RABGAP1L: variants seen among roughly 807,000 people sequenced by gnomAD.
The protein encoded by RABGAP1L is rab GTPase-activating protein 1-like.
A neutral mutation model predicts 137.7 loss-of-function variants in RABGAP1L; 63 were observed. That is an observed-to-expected ratio of 0.46 (90% CI 0.37 to 0.56). The LOEUF is 0.56. RABGAP1L is among the 20% of genes least tolerant of loss of function. The probability of loss-of-function intolerance (pLI) is 0.00; values close to 1 mark genes in which losing one functional copy is unlikely to be tolerated. For synonymous variants in RABGAP1L, 431 were observed against 433.7 expected (o/e 0.99, Z 0.08); for missense variants, 1,095 against 1,244.0 (o/e 0.88, Z 1.80).
chr1:174,885,580 T>A (rs1482216671), intron 19 of RABGAP1L, among the ~76,000 whole-genome samples: 2 of 151,938 alleles, frequency 1.3e-5, no homozygotes, highest in African/African-American at 4.8e-5. Flanking sequence ...AATCTGGAAC[T>A]CCTGAGCTCA....
chr1:174,846,199 T>A (rs1694030092), intron 19 of RABGAP1L, among the ~76,000 whole-genome samples: 1 of 148,452 alleles, frequency 6.7e-6, no homozygotes, highest in South Asian at 2.2e-4. Context: ...ATTGATTTTT[T>A]GAAGGGTTTT....
At chr1:174,911,271 A>T (rs914824843) in intron 19 of RABGAP1L, among the ~76,000 whole-genome samples, 1 of 152,196 alleles carries the variant, frequency 6.6e-6, no homozygotes, top group African/African-American at 2.4e-5. Context: ...TTTGTTAAAA[A>T]AGTTTTAAAC....
At chr1:174,613,958 C>A (rs1252176524) in intron 13 of RABGAP1L, among the ~76,000 whole-genome samples, 1 of 152,140 alleles carries the variant, frequency 6.6e-6, no homozygotes, top group African/African-American at 2.4e-5. Flanking sequence ...TGTCTCTGCA[C>A]ATGAGATGGG....
intron 14 of RABGAP1L, among the ~76,000 whole-genome samples, chr1:174,657,213 A>C (rs1206873891): frequency 1.3e-5 from 2 of 152,198 alleles, no homozygotes; most frequent in Admixed American, 1.3e-4. Flanking sequence ...GATCAAGGTA[A>C]TTAGCATTTC....
At chr1:174,877,656 T>C in intron 19 of RABGAP1L, 1 of 1,561,320 alleles carries the variant, frequency 6.4e-7, no homozygotes, top group Non-Finnish European at 8.8e-7. Flanking sequence ...TTTTCTAACA[T>C]GATATCTATA....
At chr1:174,475,660 C>G (rs1658422667) in intron 13 of RABGAP1L, among the ~76,000 whole-genome samples, 1 of 150,626 alleles carries the variant, frequency 6.6e-6, no homozygotes, top group African/African-American at 2.4e-5. Flanking sequence ...ACAATCCCAG[C>G]TCTGGGAGGC....
intron 11 of RABGAP1L, among the ~76,000 whole-genome samples, chr1:174,353,786 C>T (rs985025660): frequency 3.3e-5 from 5 of 152,202 alleles, no homozygotes; most frequent in African/African-American, 7.2e-5. Flanking sequence ...CAGGCACTAT[C>T]CAGGGATGAG....
intron 14 of RABGAP1L, among the ~76,000 whole-genome samples, chr1:174,643,931 GTGTGTGTGTGTA>G (rs1042507195): frequency 1.5e-5 from 2 of 134,258 alleles, no homozygotes; most frequent in African/African-American, 7.1e-5. Flanking sequence ...GTGTGTGTGT[GTGTGTGTGTGTA>G]TGTATGTATG....
intron 10 of RABGAP1L, among the ~76,000 whole-genome samples, chr1:174,291,372 T>C (rs1417124455): frequency 6.6e-6 from 1 of 152,036 alleles, no homozygotes; most frequent in Admixed American, 6.5e-5. Flanking sequence ...GTAATACATT[T>C]TAAAAATAAT....
At chr1:174,221,350 G>C (rs1325198168) in intron 3 of RABGAP1L, among the ~76,000 whole-genome samples, 186 bp downstream of exon 3, 1 of 152,094 alleles carries the variant, frequency 6.6e-6, no homozygotes, top group Non-Finnish European at 1.5e-5. Flanking sequence ...AATGTTCTTT[G>C]GGAACAAAGA....
chr1:174,906,801 T>C (rs1659163990), intron 19 of RABGAP1L, among the ~76,000 whole-genome samples: 1 of 150,900 alleles, frequency 6.6e-6, no homozygotes, highest in Non-Finnish European at 1.5e-5. Flanking sequence ...AAGAAGTAAA[T>C]AACATATGAA....
At chr1:174,607,945 A>G (rs1034267635) in intron 13 of RABGAP1L, among the ~76,000 whole-genome samples, 1 of 152,200 alleles carries the variant, frequency 6.6e-6, no homozygotes, top group Non-Finnish European at 1.5e-5. Context: ...CCCTTACGAA[A>G]GTGTGATTTT....
chr1:174,810,521 G>T (rs571610264), intron 18 of RABGAP1L, among the ~76,000 whole-genome samples: 1 of 152,270 alleles, frequency 6.6e-6, no homozygotes, highest in Non-Finnish European at 1.5e-5. Context: ...TACTTTTTCA[G>T]TGCAGTCTTT....
intron 1 of RABGAP1L, among the ~76,000 whole-genome samples, chr1:174,188,484 G>A (rs1478912379): frequency 6.6e-6 from 1 of 152,196 alleles, no homozygotes; most frequent in Non-Finnish European, 1.5e-5. Context: ...TACGATAAAT[G>A]CTAGAGTAGG....
chr1:174,587,517 A>G (rs1215120942), intron 13 of RABGAP1L, among the ~76,000 whole-genome samples: 1 of 152,006 alleles, frequency 6.6e-6, no homozygotes, highest in Non-Finnish European at 1.5e-5. Flanking sequence ...ACGTCTTCCA[A>G]TTAAATAATA....
chr1:174,674,662 C>T (rs1190978639), intron 14 of RABGAP1L, among the ~76,000 whole-genome samples: 3 of 150,818 alleles, frequency 2.0e-5, no homozygotes, highest in African/African-American at 7.3e-5. Flanking sequence ...GGAATCGCCA[C>T]ACTGACTTCC....
At chr1:174,313,103 A>G (rs1679016679) in intron 11 of RABGAP1L, among the ~76,000 whole-genome samples, 2 of 151,874 alleles carry the variant, frequency 1.3e-5, no homozygotes. Flanking sequence ...AATTTTTTGT[A>G]GTTTTAGTAG....
At chr1:174,951,769 G>T (rs1667743490) in intron 19 of RABGAP1L, among the ~76,000 whole-genome samples, 1 of 152,120 alleles carries the variant, frequency 6.6e-6, no homozygotes, top group Non-Finnish European at 1.5e-5. Context: ...TCATAAATGG[G>T]CCCAGGGATG....
chr1:174,817,053 G>A lies in RABGAP1L; in HGVS notation c.2340+5093G>A, dbSNP rs138448927. 1.9e-4 allele frequency among the ~76,000 whole-genome samples: 29 copies of A among 151,762 alleles called. No homozygotes were observed. In the East Asian group the frequency reaches 4.6e-3, roughly 24 times the overall value. On this transcript the variant is annotated intron_variant, in intron 19 of 25. Transcript: ENST00000681986. ...CAGTCCTTTTTTTTTGTTTTGTTTT[G>A]TTTTTAAGTTGATTTTTATTTGGAA...
Sources: allele counts gnomAD v4.1 joint callset (sites outside exome capture counted in the v4.1 genomes callset), GRCh38; gene constraint gnomAD v4.1.1; transcripts MANE v1.5; gene names NCBI Gene and HGNC (gene_info 2026-07-23, HGNC 2026-07-21).